Variants in MED13 observed in about 807,000 individuals in gnomAD.
The protein encoded by MED13 is mediator of RNA polymerase II transcription subunit 13.
Under a neutral mutation model 225.2 loss-of-function variants are expected in MED13, and 23 were observed. That is an observed-to-expected ratio of 0.10 (90% CI 0.07 to 0.14). MED13 has a LOEUF of 0.14. Ranked by LOEUF, MED13 falls within the 10% of genes least tolerant of loss-of-function variation. MED13 has a pLI of 1.00. For missense variants in MED13, 2,197 were observed against 2,594.5 expected (o/e 0.85, Z 3.33); for synonymous variants, 942 against 889.2 (o/e 1.06, Z -1.06).
At chr17:62,048,680 T>C (rs73336441) in intron 3 of MED13, among the ~76,000 whole-genome samples, 1,607 of 152,228 alleles carry the variant, frequency 0.011, 27 homozygotes, top group African/African-American at 0.035. Flanking sequence ...GCCCAGCTTA[T>C]ACCCTCTAGT....
At chr17:62,043,469 T>C (rs1458240233) in intron 3 of MED13, among the ~76,000 whole-genome samples, 1 of 152,154 alleles carries the variant, frequency 6.6e-6, no homozygotes. Context: ...AGAGAGTTCA[T>C]ACCCTGACTG....
chr17:62,046,124 G>A (rs1567999616), intron 3 of MED13, among the ~76,000 whole-genome samples: 1 of 152,074 alleles, frequency 6.6e-6, no homozygotes. Context: ...TAATACTTAT[G>A]TTTCAGAATG....
intron 20 of MED13, 75 bp downstream of exon 20, chr17:61,964,931 G>T: frequency 7.2e-7 from 1 of 1,380,918 alleles, no homozygotes; most frequent in Non-Finnish European, 9.8e-7. Context: ...GTGAGACTGT[G>T]TCTCAAGAAA....
intron 27 of MED13, among the ~76,000 whole-genome samples, chr17:61,951,936 C>T (rs1035839814): frequency 3.9e-5 from 6 of 152,170 alleles, no homozygotes; most frequent in African/African-American, 1.4e-4. Flanking sequence ...CTCGCTCTGT[C>T]GCTTAGGCTG....
intron 2 of MED13, among the ~76,000 whole-genome samples, 175 bp downstream of exon 2, chr17:62,062,892 T>C (rs1319605524): frequency 1.3e-5 from 2 of 152,168 alleles, no homozygotes; most frequent in Non-Finnish European, 2.9e-5. Context: ...TATAACAACA[T>C]GGATAATTTA....
chr17:61,949,781 G>A (rs374211612), intron 28 of MED13, among the ~76,000 whole-genome samples: 10 of 152,116 alleles, frequency 6.6e-5, no homozygotes, highest in East Asian at 1.9e-4. Flanking sequence ...TTTACCTGCC[G>A]GGTTCAAGTG....
intron 3 of MED13, among the ~76,000 whole-genome samples, chr17:62,049,534 A>T (rs894692766): frequency 7.2e-5 from 11 of 152,322 alleles, no homozygotes; most frequent in African/African-American, 2.4e-4. Context: ...TTACAAAAAA[A>T]GTGGCAGAGT....
chr17:62,015,522 G>A (rs963121761), intron 8 of MED13, among the ~76,000 whole-genome samples: 7 of 151,760 alleles, frequency 4.6e-5, no homozygotes, highest in African/African-American at 1.7e-4. Flanking sequence ...TACATAAGAG[G>A]GGAACCTGTT....
intron 9 of MED13, among the ~76,000 whole-genome samples, chr17:62,003,515 G>C (rs571211877): frequency 7.1e-6 from 1 of 140,798 alleles, no homozygotes; most frequent in East Asian, 2.3e-4. Context: ...TGAGGCAGGA[G>C]AATTGCTTGA....
At chr17:62,063,023 C>T (rs2081053571) in intron 2 of MED13, 44 bp downstream of exon 2, 2 of 1,424,142 alleles carry the variant, frequency 1.4e-6, no homozygotes, top group Admixed American at 1.7e-5. Context: ...GAGAAGTATA[C>T]AATGTTGCTA....
At chr17:62,050,012 T>C (rs940023029) in intron 3 of MED13, among the ~76,000 whole-genome samples, 2 of 150,324 alleles carry the variant, frequency 1.3e-5, no homozygotes, top group Non-Finnish European at 2.9e-5. Flanking sequence ...ATTATAAGAG[T>C]ATAAACAAAT....
intron 8 of MED13, 26 bp downstream of exon 8, chr17:62,029,515 C>T (rs749264707): frequency 6.5e-7 from 1 of 1,529,750 alleles, no homozygotes; most frequent in Non-Finnish European, 9.1e-7. Context: ...CACACATAGG[C>T]ATCAATCGAT....
chr17:61,962,925 G>A lies in MED13; in HGVS notation c.4891C>T (p.His1631Tyr), dbSNP rs768592925. 5 of 1,614,068 alleles carry A rather than the reference G, an allele frequency of 3.1e-6. No individual in the cohort carries two copies. The highest frequency in any genetic ancestry group is 4.2e-6 in the Non-Finnish European group (5 of 1,180,012). Reference sequence around the variant, plus strand: ...ATTGCAGGTGGATACGTGACTGCATGTGAATCACCATCTGTGGGGATTCCC... The same window carrying A: ...ATTGCAGGTGGATACGTGACTGCATATGAATCACCATCTGTGGGGATTCCC... ...KVGIPTDGDS[H>Y]AVTYPPAIVV... The change falls in exon 21 of 30, where the codon CAT (histidine) becomes TAT (tyrosine). Residue 1631 changes from histidine to tyrosine, a missense_variant. Physicochemically the swap from His to Tyr is moderately conservative, Grantham distance 83 (BLOSUM62 2). This residue lies in a region of MED13 where 457 missense variants were observed against 442.2 expected (regional missense o/e 1.03). Coordinates refer to ENST00000397786, the MANE Select transcript of MED13 (RefSeq NM_005121.3).
At chr17:62,032,806 C>G (rs1481910915) in intron 5 of MED13, among the ~76,000 whole-genome samples, 1 of 152,132 alleles carries the variant, frequency 6.6e-6, no homozygotes, top group Non-Finnish European at 1.5e-5. Flanking sequence ...CTTTGTTAAC[C>G]TGGGTCCCTG....
At chr17:61,974,075 A>C (rs560562709) in intron 16 of MED13, among the ~76,000 whole-genome samples, 1 of 152,302 alleles carries the variant, frequency 6.6e-6, no homozygotes, top group Non-Finnish European at 1.5e-5. Context: ...ATGCTTAAAT[A>C]AACTTTTGTA....
Position 61,991,227 on chromosome 17 carries a change from T to C in MED13, c.2263+1313A>G, listed in dbSNP as rs550352499. 2.6e-5 allele frequency among the ~76,000 whole-genome samples: 4 copies of C among 152,052 alleles called. No homozygotes were observed. The East Asian group carries it at 7.8e-4, about 30-fold the overall frequency. ...TCTGCCTCTTGGGTTCAAGCGATTC[T>C]CCTGCCTCAGCCTCCCAAGTAGCTG... On this transcript the variant is annotated intron_variant, in intron 11 of 29. Coordinates refer to ENST00000397786, the MANE Select transcript of MED13 (RefSeq NM_005121.3).
intron 9 of MED13, chr17:62,006,991 C>T (rs990944795): frequency 1.3e-5 from 2 of 152,158 alleles, no homozygotes; most frequent in African/African-American, 4.8e-5. Flanking sequence ...CCTGTAATCC[C>T]AGCACTTTGG....
intron 9 of MED13, among the ~76,000 whole-genome samples, chr17:62,003,356 A>G (rs1230859978): frequency 2.0e-5 from 3 of 152,156 alleles, no homozygotes; most frequent in Non-Finnish European, 4.4e-5. Context: ...CTGTAATCCC[A>G]GCACTTTGTG....
chr17:61,966,039 A>G (rs2080055059), intron 19 of MED13, among the ~76,000 whole-genome samples: 1 of 152,218 alleles, frequency 6.6e-6, no homozygotes, highest in Admixed American at 6.5e-5. Flanking sequence ...CAAGTCTTAA[A>G]CAGCTGTCGT....
Sources: gnomAD v4.1 joint callset for allele counts (sites outside exome capture counted in the v4.1 genomes callset) on GRCh38, gnomAD v4.1.1 for gene constraint, gnomAD v4.1.1 regional missense constraint, MANE v1.5 for transcripts, NCBI Gene and HGNC (gene_info 2026-07-23, HGNC 2026-07-21) for gene names.